ARPC3: variants seen among roughly 807,000 people sequenced by gnomAD.
The protein encoded by ARPC3 is actin-related protein 2/3 complex subunit 3.
In ARPC3, 12 loss-of-function variants were observed where a neutral mutation model predicts 27.6. That is an observed-to-expected ratio of 0.43 (90% CI 0.28 to 0.70). The LOEUF (loss-of-function observed/expected upper bound fraction) is 0.70. Ranked by LOEUF, ARPC3 falls within the 30% of genes least tolerant of loss-of-function variation. The pLI is 0.17. For synonymous variants in ARPC3, 53 were observed against 67.2 expected, an observed-to-expected ratio of 0.79 and a Z score of 1.03; for missense variants, 153 against 207.7, an observed-to-expected ratio of 0.74 and a Z score of 1.62.
chr12:110,437,035 C>T, intron 4 of ARPC3, 49 bp downstream of exon 4: 1 of 1,251,440 alleles, frequency 8.0e-7, no homozygotes. Flanking sequence ...AGGGTAAATG[C>T]CTCTCAGCAA....
chr12:110,445,745 AT>A (rs2062461000), intron 1 of ARPC3, among the ~76,000 whole-genome samples, 194 bp from the exon 2 acceptor site: 1 of 152,218 alleles, frequency 6.6e-6, no homozygotes, highest in Non-Finnish European at 1.5e-5. Flanking sequence ...ATTTTGAGGC[AT>A]TTTTCAAGCT....
At chr12:110,450,142 G>A in intron 1 of ARPC3, 113 bp downstream of exon 1, 13 of 1,473,852 alleles carry the variant, frequency 8.8e-6, no homozygotes, top group South Asian at 4.7e-5. Flanking sequence ...CCTCCTTCTC[G>A]GGCCCCAGCT....
intron 4 of ARPC3, 28 bp from the exon 5 acceptor site, chr12:110,436,711 T>TACACACATACAC (rs1555295736): frequency 9.9e-5 from 38 of 382,256 alleles, no homozygotes; most frequent in Non-Finnish European, 1.5e-4. Context: ...TATATATATA[T>TACACACATACAC]ACACACACAC....
intron 2 of ARPC3, 166 bp from the exon 3 acceptor site, chr12:110,440,554 G>T (rs1336880554): frequency 1.7e-5 from 9 of 533,452 alleles, no homozygotes; most frequent in Admixed American, 3.1e-5. Context: ...ATATTTATTT[G>T]TTTTTTTTTT....
chr12:110,450,159 C>CT (rs1227518311), intron 1 of ARPC3, 96 bp downstream of exon 1: 2 of 1,550,150 alleles, frequency 1.3e-6, no homozygotes, highest in African/African-American at 2.7e-5. Context: ...AGCTTCCTCT[C>CT]TGCCTTCCGC....
At chr12:110,447,098 C>G (rs534945902) in intron 1 of ARPC3, among the ~76,000 whole-genome samples, 1 of 152,308 alleles carries the variant, frequency 6.6e-6, no homozygotes, top group Middle Eastern at 3.4e-3. Context: ...ACCCAGCCCC[C>G]AGCTAAACCA....
chr12:110,438,996 G>GT (rs376235292), intron 3 of ARPC3, among the ~76,000 whole-genome samples: 107 of 143,324 alleles, frequency 7.5e-4, no homozygotes, highest in Admixed American at 1.4e-3. Context: ...AGAGTTTTTT[G>GT]TTTTTTTTTT....
At chr12:110,450,136 C>T in intron 1 of ARPC3, 119 bp downstream of exon 1, 3 of 1,444,882 alleles carry the variant, frequency 2.1e-6, no homozygotes, top group African/African-American at 1.4e-5. Context: ...CGCCTCCCTC[C>T]TTCTCGGGCC....
At chr12:110,445,639 A>G (rs772766135) in intron 1 of ARPC3, 88 bp from the exon 2 acceptor site, 250 of 987,074 alleles carry the variant, frequency 2.5e-4, no homozygotes, top group Non-Finnish European at 2.5e-4. Context: ...GGAAAAAAAG[A>G]GTAAACCACC....
In ARPC3 at chr12:110,440,306, A is replaced by G; in HGVS notation, c.183+6T>C. 1 of 1,584,306 alleles carries G rather than the reference A, an allele frequency of 6.3e-7. No individual in the cohort carries two copies. The highest frequency in any genetic ancestry group is 8.7e-7 in the Non-Finnish European group (1 of 1,153,544). On this transcript the variant is annotated splice_donor_region_variant and intron_variant, in intron 3 of 6. Transcript: ENST00000228825. ...TAAGTTAAATATTAAAAGCTCCGTA[A>G]TTTACCTTAATTTCATAGTTTTTGA... is the stretch of plus-strand genomic sequence containing the variant.
At chr12:110,445,341 CA>C (rs755798407) in intron 2 of ARPC3, 110 bp downstream of exon 2, 84 of 846,906 alleles carry the variant, frequency 9.9e-5, no homozygotes, top group Non-Finnish European at 1.6e-4. Context: ...AAGCAAAGTA[CA>C]AGGGCAATTT....
rs2062395492 is a variant in ARPC3, at chr12:110,435,159, T to C, written c.533A>G (p.Gln178Arg). 4 of 1,613,830 alleles carry C rather than the reference T, an allele frequency of 2.5e-6. No homozygotes were observed. The highest frequency in any genetic ancestry group is 1.1e-5 in the South Asian group (1 of 91,070). Residue 178 changes from glutamine to arginine, a missense_variant, in exon 7 of 7, where the codon CAG (glutamine) becomes CGG (arginine). Physicochemically the swap from Gln to Arg is conservative, Grantham distance 43. Transcript: ENST00000228825. ...CGGTGGCTGCCCGGGCTCCCTTCAC[T>C]GTCCAGGTCCTGAAAGACTCTTGTT... ...FMNKSLSGPG[Q>R]
At chr12:110,446,756 G>A (rs747433953) in intron 1 of ARPC3, among the ~76,000 whole-genome samples, 3 of 149,932 alleles carry the variant, frequency 2.0e-5, no homozygotes, top group Non-Finnish European at 4.4e-5. Context: ...TTACAGGTGC[G>A]TGCCACCACG....
intron 2 of ARPC3, among the ~76,000 whole-genome samples, chr12:110,444,573 C>G (rs977494232): frequency 1.3e-5 from 2 of 152,184 alleles, no homozygotes; most frequent in African/African-American, 4.8e-5. Context: ...GTGTGAGCCA[C>G]CGCACCCAGC....
At chr12:110,447,846 G>C (rs148481322) in intron 1 of ARPC3, among the ~76,000 whole-genome samples, 2 of 149,436 alleles carry the variant, frequency 1.3e-5, no homozygotes, top group African/African-American at 4.9e-5. Context: ...AATCCAGGGT[G>C]CTCTATGTGC....
At chr12:110,448,856 A>C (rs919000133) in intron 1 of ARPC3, among the ~76,000 whole-genome samples, 1 of 143,938 alleles carries the variant, frequency 6.9e-6, no homozygotes, top group South Asian at 2.2e-4. Flanking sequence ...GCTCACTGCA[A>C]CCTCCGCCTC....
At chr12:110,444,337 T>TGCAGTGGTGCAATCTTGGCTCACTGC (rs2062453350) in intron 2 of ARPC3, among the ~76,000 whole-genome samples, 3 of 150,906 alleles carry the variant, frequency 2.0e-5, no homozygotes, top group Non-Finnish European at 4.4e-5. Context: ...CAGGCTGGAG[T>TGCAGTGGTGCAATCTTGGCTCACTGC]GCAGTGGTGC....
chr12:110,442,042 A>C (rs984225887), intron 2 of ARPC3, among the ~76,000 whole-genome samples: 208 of 151,694 alleles, frequency 1.4e-3, no homozygotes, highest in Non-Finnish European at 2.4e-3. Context: ...CAAAAAAAAA[A>C]AAAAAGTTTT....
At chr12:110,435,273 G>A in intron 6 of ARPC3, 56 bp from the exon 7 acceptor site, 1 of 1,324,606 alleles carries the variant, frequency 7.5e-7, no homozygotes, top group Non-Finnish European at 1.1e-6. Flanking sequence ...AATAGAATTT[G>A]CATTTATTTA....
Sources: gnomAD v4.1 joint callset for allele counts (sites outside exome capture counted in the v4.1 genomes callset) on GRCh38, gnomAD v4.1.1 for gene constraint, MANE v1.5 for transcripts, NCBI Gene and HGNC (gene_info 2026-07-23, HGNC 2026-07-21) for gene names.